Variants in GBP1 observed in about 807,000 individuals in gnomAD.
The protein encoded by GBP1 is guanylate-binding protein 1.
Under a neutral mutation model 69.5 loss-of-function variants are expected in GBP1, and 64 were observed. The ratio of observed to expected loss-of-function variants is 0.92; its 90% CI spans 0.75 to 1.13. The LOEUF is 1.13. Among genes scored for constraint, GBP1 ranks in the 50% most tolerant of loss-of-function variants. GBP1 has a pLI of 0.00. For synonymous variants in GBP1, 250 were observed against 261.2 expected, an observed-to-expected ratio of 0.96 and a Z score of 0.41; for missense variants, 630 against 704.1, an observed-to-expected ratio of 0.89 and a Z score of 1.19.
At position 89,052,858 on chromosome 1, in the gene GBP1, C is replaced by T. The variant is rs1172582131; in HGVS notation, c.*497G>A. On this transcript the variant is annotated 3_prime_UTR_variant, in exon 11 of 11. Transcript: ENST00000370473. ...CTCTGTATAAGGTGGTTTGCTTTAGCTTGAAATCATCAGTGAGGATTATAC... is the reference window on the plus strand; with the variant it reads ...CTCTGTATAAGGTGGTTTGCTTTAGTTTGAAATCATCAGTGAGGATTATAC... 1 of 152,328 alleles carries T rather than the reference C, an allele frequency of 6.6e-6. No individual in the cohort carries two copies. The highest frequency in any genetic ancestry group is 2.4e-5 in the African/African-American group (1 of 41,454). 9.4% of individuals were successfully genotyped at this position (152,328 alleles called of 1,614,324 possible). A position where few individuals can be genotyped will look rare whatever the true frequency, so the allele number is the denominator to read the frequency against.
At chr1:89,056,717 G>A in intron 7 of GBP1, 137 bp downstream of exon 7, 2 of 1,022,692 alleles carry the variant, frequency 2.0e-6, no homozygotes, top group Non-Finnish European at 2.9e-6. Context: ...TCTGACTGAT[G>A]TGATCACAAA....
At chr1:89,055,371 TC>T (rs1680018704) in intron 8 of GBP1, 156 bp from the exon 9 acceptor site, 2 of 1,300,056 alleles carry the variant, frequency 1.5e-6, no homozygotes, top group African/African-American at 3.0e-5. Context: ...AGACACATGC[TC>T]CTGGCAAGCC....
In GBP1 at chr1:89,053,857, C is replaced by A. The variant is rs187614454; in HGVS notation, c.1666-389G>T. On this transcript the variant is annotated intron_variant, in intron 10 of 10. Transcript: ENST00000370473. ...CTGGGAGCAGGACATTAAAAATAAT[C>A]AGAATTAGCAGAGTATCACACAGGT... Among the ~76,000 whole-genome samples, 768 of 152,286 alleles carry A rather than the reference C, an allele frequency of 5.0e-3. 2 individuals are homozygous for A. Among genetic ancestry groups the A allele is most frequent in the Non-Finnish European group, 8.4e-3 (574 of 68,018 alleles).
intron 10 of GBP1, 28 bp from the exon 11 acceptor site, chr1:89,053,496 A>T (rs1385708388): frequency 3.1e-6 from 5 of 1,608,942 alleles, no homozygotes; most frequent in Non-Finnish European, 4.2e-6. Flanking sequence ...AAGGCTGAGT[A>T]AAGTGTAGCA....
At chr1:89,058,323 T>C (rs1680097973) in intron 5 of GBP1, 89 bp from the exon 6 acceptor site, 1 of 1,147,430 alleles carries the variant, frequency 8.7e-7, no homozygotes, top group Non-Finnish European at 1.2e-6. Flanking sequence ...CTCTTCAGGC[T>C]GGATGGTCTC....
chr1:89,056,859 A>G lies in GBP1; in HGVS notation c.1150T>C (p.Leu384=). Residue 384 remains leucine, a synonymous_variant, in exon 7 of 11, where the codon TTA becomes CTA. Coordinates refer to ENST00000370473, the MANE Select transcript of GBP1 (RefSeq NM_002053.3). ...ACATTTGAGACAAAAATTACCGCTA[A>G]CTCCTTTTGAAATAGATGGTCCACA... The part of the protein sequence containing the change: ...KDVDHLFQKE[L]AAQLEKKRDD... 1 of 1,613,772 alleles carries G rather than the reference A, an allele frequency of 6.2e-7. No homozygotes were observed. The highest frequency in any genetic ancestry group is 8.5e-7 in the Non-Finnish European group (1 of 1,179,732).
Position 89,063,325 on chromosome 1 carries a change from C to T in GBP1, c.-19-72G>A, listed in dbSNP as rs1680251770. ...ATTATAAGGGAGAATCATAAGATTC[C>T]CCAGTATGGCCAAAAGTTTTGTGTG... On this transcript the variant is annotated intron_variant, in intron 1 of 10. Transcript: ENST00000370473. 3 of 1,374,392 alleles carry T rather than the reference C, an allele frequency of 2.2e-6. No individual in the cohort carries two copies. The African/African-American group carries it at 4.3e-5, about 20-fold the overall frequency. 85.1% of individuals were successfully genotyped at this position (1,374,392 alleles called of 1,614,324 possible). A position where few individuals can be genotyped will look rare whatever the true frequency, so the allele number is the denominator to read the frequency against.
rs2296884 is a variant in GBP1 at position 89,063,311 on chromosome 1, G to C, written c.-19-58C>G. 22,547 of 1,500,388 alleles carry C rather than the reference G, an allele frequency of 0.015. 1,941 individuals carry two copies. The African/African-American group carries it at 0.21, about 14-fold the overall frequency. 92.9% of individuals were successfully genotyped at this position (1,500,388 alleles called of 1,614,324 possible). A position where few individuals can be genotyped will look rare whatever the true frequency, so the allele number is the denominator to read the frequency against. ...TCTAGTGTTTTGCAATTATAAGGGAGAATCATAAGATTCCCCAGTATGGCC... is the reference window on the plus strand; with the variant it reads ...TCTAGTGTTTTGCAATTATAAGGGACAATCATAAGATTCCCCAGTATGGCC... On this transcript the variant is annotated intron_variant, in intron 1 of 10. Coordinates refer to ENST00000370473, the MANE Select transcript of GBP1 (RefSeq NM_002053.3).
chr1:89,058,898 C>A lies in GBP1; in HGVS notation c.574G>T (p.Asp192Tyr). The A allele has an allele frequency of 6.2e-7, 1 of 1,614,180 alleles. No homozygotes were observed. Among genetic ancestry groups the A allele is most frequent in the Non-Finnish European group, 8.5e-7 (1 of 1,180,028 alleles). The change falls in exon 5 of 11, where the codon GAT (aspartate) becomes TAT (tyrosine). Residue 192 changes from aspartate to tyrosine, a missense_variant. Coordinates refer to ENST00000370473, the MANE Select transcript of GBP1 (RefSeq NM_002053.3). ...LRDFSLDLEA[D>Y]GQPLTPDEYL... ...TCATCTGGTGTGAGGGGTTGTCCAT[C>A]TGCTTCCAAGTCCAGGGAGAAATCT...
chr1:89,064,224 TGTGTGTGTGTGTGTGTGAGAGA>T (rs1359414144), intron 1 of GBP1, among the ~76,000 whole-genome samples: 29 of 137,012 alleles, frequency 2.1e-4, no homozygotes, highest in East Asian at 8.4e-4. Context: ...TGTGTGTGTG[TGTGTGTGTGTGTGTGTGAGAGA>T]GAGAGAGAGA....
At chr1:89,057,163 T>C (rs1056568716) in intron 6 of GBP1, 29 bp from the exon 7 acceptor site, 2 of 1,611,168 alleles carry the variant, frequency 1.2e-6, no homozygotes, top group Non-Finnish European at 1.7e-6. Flanking sequence ...TGATAATGTT[T>C]CTGGTGGTAA....
At chr1:89,058,382 CAAT>C (rs1203838891) in intron 5 of GBP1, 148 bp from the exon 6 acceptor site, 20 of 707,932 alleles carry the variant, frequency 2.8e-5, no homozygotes. Context: ...CAGCTTTAGA[CAAT>C]ATGTAAATGA....
chr1:89,057,174 A>G, intron 6 of GBP1, 40 bp from the exon 7 acceptor site: 1 of 1,609,876 alleles, frequency 6.2e-7, no homozygotes, highest in Non-Finnish European at 8.5e-7. Flanking sequence ...CTGGTGGTAA[A>G]GAAAGTCTCT....
chr1:89,055,987 T>G, intron 8 of GBP1, 29 bp downstream of exon 8: 1 of 1,613,810 alleles, frequency 6.2e-7, no homozygotes. Context: ...TCAGCAGCTT[T>G]CCATAATTGA....
At position 89,058,886 on chromosome 1, in the gene GBP1, G is replaced by A; in HGVS notation, c.586C>T (p.Leu196Phe). Reference protein sequence around the residue: ...SLDLEADGQPLTPDEYLTYSL... With the variant: ...SLDLEADGQPFTPDEYLTYSL... ...TATGTCAGGTACTCATCTGGTGTGA[G>A]GGGTTGTCCATCTGCTTCCAAGTCC... The change falls in exon 5 of 11, where the codon CTC becomes TTC. Residue 196 changes from leucine (L) to phenylalanine (F), a missense_variant. Coordinates refer to ENST00000370473, the MANE Select transcript of GBP1 (RefSeq NM_002053.3). 6.2e-7 allele frequency: 1 copy of A among 1,614,162 alleles called. No individual in the cohort carries two copies. Among genetic ancestry groups the A allele is most frequent in the South Asian group, 1.1e-5 (1 of 91,086 alleles).
chr1:89,059,243 ACAGT>A lies in GBP1; in HGVS notation c.428+70_428+73del. 2.1e-5 allele frequency: 34 copies of A among 1,613,844 alleles called. 2 individuals carry two copies. In the South Asian group the frequency reaches 3.4e-4, roughly 16 times the overall value. The stretch of plus-strand genomic sequence containing the variant: ...TTTTGAGCTTGATTCATCAGGATTC[ACAGT>A]CAGGCAGCTGGTGTATGAATACAGG... On this transcript the variant is annotated intron_variant, in intron 4 of 10. Coordinates refer to ENST00000370473, the MANE Select transcript of GBP1 (RefSeq NM_002053.3).
Position 89,055,227 on chromosome 1 carries a change from G to A in GBP1, c.1369-12C>T. 1 of 1,613,038 alleles carries A rather than the reference G, an allele frequency of 6.2e-7. No homozygotes were observed. The highest frequency in any genetic ancestry group is 8.5e-7 in the Non-Finnish European group (1 of 1,179,768). On this transcript the variant is annotated splice_polypyrimidine_tract_variant and intron_variant, in intron 8 of 10. Transcript: ENST00000370473. ...AGAATCTCTTCAGCCTTAGGACCCA[G>A]AGAACACAGAGTGAGAAGTAGGAAA...
rs1348685228 is a variant in GBP1 at position 89,063,188 on chromosome 1, T to C, written c.47A>G (p.Asn16Ser). 1.9e-6 allele frequency: 3 copies of C among 1,613,986 alleles called. No individual in the cohort carries two copies. The highest frequency in any genetic ancestry group is 1.7e-5 in the Admixed American group (1 of 59,988). ...ATTCGCCATCAGTCGCCCATTAGTG[T>C]TCTCAATGAGGCACATTGGGCCTGT... ...HMTGPMCLIE[N>S]TNGRLMANPE... The change falls in exon 2 of 11, where the codon AAC becomes AGC. Residue 16 changes from asparagine (N) to serine (S), a missense_variant. Physicochemically the swap from Asn to Ser is conservative, Grantham distance 46. This residue lies in a region of GBP1 where 131 missense variants were observed against 138.5 expected (regional missense o/e 0.95). Coordinates refer to ENST00000370473, the MANE Select transcript of GBP1 (RefSeq NM_002053.3).
rs1158345742 is a variant in GBP1, at chr1:89,052,414, A to G, written c.*941T>C. On this transcript the variant is annotated 3_prime_UTR_variant, in exon 11 of 11. Transcript: ENST00000370473. ...AAGACAAAGTCTACATATACTAGGT[A>G]AACACAAGAGCATTATTAAATGAGT... 6.6e-6 allele frequency: 1 copy of G among 152,240 alleles called. No individual in the cohort carries two copies. Among genetic ancestry groups the G allele is most frequent in the African/African-American group, 2.4e-5 (1 of 41,466 alleles). 9.4% of individuals were successfully genotyped at this position (152,240 alleles called of 1,614,324 possible). A position where few individuals can be genotyped will look rare whatever the true frequency, so the allele number is the denominator to read the frequency against.
Sources: allele counts gnomAD v4.1 joint callset (sites outside exome capture counted in the v4.1 genomes callset), GRCh38; gene constraint gnomAD v4.1.1; regional missense constraint gnomAD v4.1.1; transcripts MANE v1.5; gene names NCBI Gene and HGNC (gene_info 2026-07-23, HGNC 2026-07-21).